The following ABCA5 variants were observed in gnomAD, a reference collection of about 807,000 sequenced individuals.
ABCA5 encodes the protein cholesterol transporter ABCA5.
In ABCA5, 163 loss-of-function variants were observed where a neutral mutation model predicts 206.0. The ratio of observed to expected loss-of-function variants is 0.79; its 90% CI spans 0.70 to 0.90. The LOEUF is 0.90. Among genes scored for constraint, ABCA5 ranks in the 40% least tolerant of loss-of-function variants. The probability of loss-of-function intolerance (pLI) is 0.00; values close to 1 mark genes in which losing one functional copy is unlikely to be tolerated. For missense variants in ABCA5, 1,859 were observed against 1,912.9 expected, an observed-to-expected ratio of 0.97 and a Z score of 0.53; for synonymous variants, 609 against 613.8, an observed-to-expected ratio of 0.99 and a Z score of 0.11.
chr17:69,271,791 GA>G (rs2075276689), intron 20 of ABCA5, among the ~76,000 whole-genome samples: 1 of 152,180 alleles, frequency 6.6e-6, no homozygotes. Flanking sequence ...GCTAAGTTCA[GA>G]AAGGTATAGG....
rs367763619 is a variant in ABCA5, at chr17:69,309,282, G to T, written c.449C>A (p.Ser150Tyr). 4 of 1,582,442 alleles carry T rather than the reference G, an allele frequency of 2.5e-6. No homozygotes were observed. The highest frequency in any genetic ancestry group is 4.6e-5 in the East Asian group (2 of 43,748). Residue 150 changes from serine to tyrosine, a missense_variant, in exon 4 of 39, where the codon TCT (serine) becomes TAT (tyrosine). Transcript: ENST00000392676. ...TTTACCTCTTGAATCCATATAAATA[G>T]AAGATACTGGAATCATATCAGGAAA... ...RFFPDMIPVS[S>Y]IYMDSRAGCS...
intron 18 of ABCA5, among the ~76,000 whole-genome samples, chr17:69,279,929 C>A (rs531334075): frequency 0.015 from 2,349 of 152,152 alleles, 50 homozygotes; most frequent in African/African-American, 0.054. Flanking sequence ...CCATAAAAAC[C>A]CTAGAAGAAA....
chr17:69,279,589 A>C (rs2144957168), intron 18 of ABCA5, among the ~76,000 whole-genome samples: 1 of 152,166 alleles, frequency 6.6e-6, no homozygotes, highest in Non-Finnish European at 1.5e-5. Context: ...ATCCTAAGCC[A>C]AAAGAACAAA....
chr17:69,298,261 A>G (rs1200160964), intron 9 of ABCA5, among the ~76,000 whole-genome samples: 37 of 133,234 alleles, frequency 2.8e-4, no homozygotes, highest in African/African-American at 1.1e-3. Context: ...GGAAGGAAGG[A>G]AGGAAGGAAG....
chr17:69,298,394 G>A (rs982075766), intron 9 of ABCA5, among the ~76,000 whole-genome samples: 5 of 147,404 alleles, frequency 3.4e-5, no homozygotes, highest in Admixed American at 1.4e-4. Flanking sequence ...CAGACAACAT[G>A]TTCCATTTTC....
At chr17:69,279,630 C>T (rs981662930) in intron 18 of ABCA5, among the ~76,000 whole-genome samples, 52 of 152,232 alleles carry the variant, frequency 3.4e-4, no homozygotes, top group African/African-American at 1.2e-3. Flanking sequence ...TGACTTCAAA[C>T]TATACTACAA....
intron 1 of ABCA5, among the ~76,000 whole-genome samples, chr17:69,325,406 G>C (rs974057465): frequency 2.0e-5 from 3 of 152,132 alleles, no homozygotes; most frequent in African/African-American, 7.2e-5. Context: ...GGTACACAGA[G>C]GACAAGTCAT....
At chr17:69,280,006 T>G (rs899110861) in intron 18 of ABCA5, among the ~76,000 whole-genome samples, 7 of 152,052 alleles carry the variant, frequency 4.6e-5, no homozygotes, top group Admixed American at 4.6e-4. Flanking sequence ...CCAAAAGCAA[T>G]AGCAACAAAA....
intron 7 of ABCA5, among the ~76,000 whole-genome samples, chr17:69,303,869 T>TAC (rs1480814820): frequency 1.9e-5 from 2 of 106,880 alleles, no homozygotes; most frequent in African/African-American, 7.1e-5. Flanking sequence ...TATATATATA[T>TAC]ACATATATAC....
intron 20 of ABCA5, among the ~76,000 whole-genome samples, chr17:69,272,235 C>T (rs2075281548): frequency 6.6e-6 from 1 of 151,964 alleles, no homozygotes; most frequent in East Asian, 1.9e-4. Flanking sequence ...AGAAGAGAGA[C>T]ACATTATAAG....
At chr17:69,321,678 C>G (rs2075866576) in intron 1 of ABCA5, among the ~76,000 whole-genome samples, 1 of 151,972 alleles carries the variant, frequency 6.6e-6, no homozygotes, top group East Asian at 1.9e-4. Context: ...AAAATCTTAC[C>G]AATGAAATAC....
At chr17:69,319,088 CAATA>C (rs1009576217) in intron 1 of ABCA5, 31 of 268,122 alleles carry the variant, frequency 1.2e-4, no homozygotes, top group Middle Eastern at 2.3e-3. Context: ...CTGTAATGGT[CAATA>C]AATAAATTCT....
intron 11 of ABCA5, among the ~76,000 whole-genome samples, chr17:69,293,415 A>G (rs187960033): frequency 2.2e-4 from 33 of 152,252 alleles, no homozygotes; most frequent in African/African-American, 7.9e-4. Flanking sequence ...TTTGGTGATC[A>G]AAGCCAGGGA....
At chr17:69,307,349 G>A (rs532430056) in intron 5 of ABCA5, among the ~76,000 whole-genome samples, 63 of 152,108 alleles carry the variant, frequency 4.1e-4, no homozygotes, top group African/African-American at 1.5e-3. Flanking sequence ...TTTAAAAAAT[G>A]TTCTTCTAAA....
rs200393047 is a variant in ABCA5, at chr17:69,301,177, T to C, written c.1229A>G (p.Tyr410Cys). 28 of 1,588,500 alleles carry C rather than the reference T, an allele frequency of 1.8e-5. No homozygotes were observed. Among genetic ancestry groups the C allele is most frequent in the East Asian group, 1.4e-4 (6 of 43,324 alleles). Residue 410 changes from tyrosine (Y) to cysteine (C), a missense_variant, in exon 9 of 39, where the codon TAT (tyrosine) becomes TGT (cysteine). Physicochemically the swap from Tyr to Cys is radical, Grantham distance 194. Transcript: ENST00000392676. Reference sequence around the variant, plus strand: ...ATCAAGATAGACAGCCAAGAGGACATAGAATATACTATTAAGTGTGAGCAT... The same window carrying C: ...ATCAAGATAGACAGCCAAGAGGACACAGAATATACTATTAAGTGTGAGCAT... ...IIMLTLNSIFYVLLAVYLDQV... is the reference protein window; with the variant it reads ...IIMLTLNSIFCVLLAVYLDQV...
intron 28 of ABCA5, among the ~76,000 whole-genome samples, chr17:69,257,189 A>G (rs1324264299): frequency 1.3e-5 from 2 of 151,954 alleles, no homozygotes; most frequent in Non-Finnish European, 2.9e-5. Flanking sequence ...CCATGGAGAA[A>G]CCCTGTCTCT....
intron 38 of ABCA5, 103 bp downstream of exon 38, chr17:69,248,159 T>TACAAAAAC: frequency 1.5e-6 from 1 of 646,294 alleles, no homozygotes; most frequent in African/African-American, 1.9e-5. Context: ...TACCAATTTG[T>TACAAAAAC]CACTGGTTTA....
chr17:69,316,592 TAAAA>T (rs34101085), intron 1 of ABCA5, among the ~76,000 whole-genome samples: 1 of 132,712 alleles, frequency 7.5e-6, no homozygotes, highest in Non-Finnish European at 1.6e-5. Context: ...GTATTAATGC[TAAAA>T]AAAAAAAAAA....
At chr17:69,292,177 T>G (rs1428180568) in intron 11 of ABCA5, among the ~76,000 whole-genome samples, 1 of 151,984 alleles carries the variant, frequency 6.6e-6, no homozygotes, top group Non-Finnish European at 1.5e-5. Flanking sequence ...GGAAAAAGTC[T>G]CAGATCCTAA....
Sources: allele counts gnomAD v4.1 joint callset (sites outside exome capture counted in the v4.1 genomes callset), GRCh38; gene constraint gnomAD v4.1.1; transcripts MANE v1.5; gene names NCBI Gene and HGNC (gene_info 2026-07-23, HGNC 2026-07-21).